Variants in DNAH9 observed in about 807,000 individuals in gnomAD.
DNAH9 encodes DNAH9 variant protein.
In DNAH9, 345 loss-of-function variants were observed where a neutral mutation model predicts 471.6. That is an observed-to-expected ratio of 0.73 (90% CI 0.67 to 0.80). DNAH9 has a LOEUF of 0.80. DNAH9 is among the 30% of genes least tolerant of loss of function. The pLI, the probability that DNAH9 is intolerant of heterozygous loss-of-function variation, is 0.00. For missense variants in DNAH9, 5,407 were observed against 5,609.2 expected (o/e 0.96, Z 1.15); for synonymous variants, 2,093 against 2,123.6 (o/e 0.99, Z 0.40).
chr17:11,730,331 G>A (rs554626670), intron 28 of DNAH9, among the ~76,000 whole-genome samples: 1 of 152,258 alleles, frequency 6.6e-6, no homozygotes, highest in African/African-American at 2.4e-5. Context: ...TACAAATCAA[G>A]GGCGTTTTTG....
In DNAH9 at chr17:11,704,311, G is replaced by C. The variant is rs1485615851; in HGVS notation, c.5260G>C (p.Val1754Leu). ...SAMKDYYKKQVAQLKTLITML... is the reference protein window; with the variant it reads ...SAMKDYYKKQLAQLKTLITML... The stretch of plus-strand genomic sequence containing the variant: ...CATGAAGGACTATTATAAGAAGCAA[G>C]TGGCCCAGCTCAAAACCCTTATCAC... The change falls in exon 25 of 69, where the codon GTG (valine) becomes CTG (leucine). Residue 1754 changes from valine (V) to leucine (L), a missense_variant. Physicochemically the swap from Val to Leu is conservative, Grantham distance 32. This residue lies in a region of DNAH9 where 4,636 missense variants were observed against 4,900.3 expected (regional missense o/e 0.95). Transcript: ENST00000262442. 4 of 1,614,202 alleles carry C rather than the reference G, an allele frequency of 2.5e-6. No individual in the cohort carries two copies. Among genetic ancestry groups the C allele is most frequent in the Non-Finnish European group, 3.4e-6 (4 of 1,180,022 alleles).
chr17:11,929,784 G>T, intron 62 of DNAH9, 82 bp from the exon 63 acceptor site: 1 of 1,185,322 alleles, frequency 8.4e-7, no homozygotes, highest in Non-Finnish European at 1.2e-6. Flanking sequence ...TCCCCCCTCT[G>T]GCTGCCTTCC....
At chr17:11,656,736 T>A (rs2073658130) in intron 14 of DNAH9, among the ~76,000 whole-genome samples, 1 of 152,198 alleles carries the variant, frequency 6.6e-6, no homozygotes, top group Non-Finnish European at 1.5e-5. Context: ...CACCTGTCCC[T>A]CTTTCCAGTC....
At chr17:11,784,596 A>T in intron 41 of DNAH9, 57 bp downstream of exon 41, 1 of 1,609,126 alleles carries the variant, frequency 6.2e-7, no homozygotes, top group Non-Finnish European at 8.5e-7. Flanking sequence ...AGATGCTCCG[A>T]TTCTTCATAA....
intron 57 of DNAH9, among the ~76,000 whole-genome samples, chr17:11,890,078 T>A (rs1384542174): frequency 6.6e-6 from 1 of 152,206 alleles, no homozygotes; most frequent in East Asian, 1.9e-4. Context: ...TTTTTACATG[T>A]TTTCCTGAAT....
At chr17:11,828,138 G>A (rs1206320527) in intron 48 of DNAH9, among the ~76,000 whole-genome samples, 2 of 152,108 alleles carry the variant, frequency 1.3e-5, no homozygotes, top group East Asian at 3.9e-4. Flanking sequence ...TTGCCCCTCT[G>A]TAGTCTATTC....
rs1199063228 is a variant in DNAH9, at chr17:11,677,047, T to G, written c.3354-2710T>G. Among the ~76,000 whole-genome samples, 4 of 152,222 alleles carry G rather than the reference T, an allele frequency of 2.6e-5. No individual in the cohort carries two copies. The East Asian group carries it at 7.7e-4, about 29-fold the overall frequency. The stretch of plus-strand genomic sequence containing the variant: ...CTGAAATTTGTTAAAGTTTGCCTTA[T>G]TCAATATAGTATATTCAGTTCTTAT... On this transcript the variant is annotated intron_variant, in intron 17 of 68. Coordinates refer to ENST00000262442, the MANE Select transcript of DNAH9 (RefSeq NM_001372.4).
intron 38 of DNAH9, 121 bp from the exon 39 acceptor site, chr17:11,780,888 G>A (rs553604391): frequency 8.1e-6 from 8 of 989,662 alleles, no homozygotes; most frequent in Admixed American, 2.8e-5. Context: ...GTTGTCTTTC[G>A]CGTTGCTGTT....
In DNAH9 at chr17:11,704,379, T is replaced by G; in HGVS notation, c.5328T>G (p.Ile1776Met). The change falls in exon 25 of 69, where the codon ATT (isoleucine) becomes ATG (methionine). Residue 1776 changes from isoleucine to methionine, a missense_variant. Physicochemically the swap from Ile to Met is conservative, Grantham distance 10. This residue lies in a region of DNAH9 where 4,636 missense variants were observed against 4,900.3 expected (regional missense o/e 0.95). Coordinates refer to ENST00000262442, the MANE Select transcript of DNAH9 (RefSeq NM_001372.4). ...TCTCCAAGGGAGACCGGCAGAAGAT[T>G]ATGACTATATGCACCATCGATGTGC... ...GQLSKGDRQK[I>M]MTICTIDVHA... 1.9e-6 allele frequency: 3 copies of G among 1,614,048 alleles called. No homozygotes were observed. Among genetic ancestry groups the G allele is most frequent in the Non-Finnish European group, 2.5e-6 (3 of 1,180,008 alleles).
chr17:11,777,505 C>G (rs1968483268), intron 38 of DNAH9, among the ~76,000 whole-genome samples: 1 of 152,194 alleles, frequency 6.6e-6, no homozygotes, highest in South Asian at 2.1e-4. Flanking sequence ...AAAGTAGGAA[C>G]AAAGAGCTTG....
chr17:11,747,758 G>A lies in DNAH9; in HGVS notation c.6602G>A (p.Trp2201Ter), dbSNP rs1225324996. The A allele has an allele frequency of 1.9e-6, 3 of 1,613,406 alleles. No individual in the cohort carries two copies. The South Asian group carries it at 3.3e-5, about 18-fold the overall frequency. Residue 2201 changes from tryptophan (W) to a stop codon, truncating the protein, a stop_gained, in exon 32 of 69, where the codon TGG (tryptophan) becomes TAG (stop). Coordinates refer to ENST00000262442, the MANE Select transcript of DNAH9 (RefSeq NM_001372.4). LOFTEE classifies it high-confidence loss of function. ...ATCATCAATCCAGCCACAGGAGAAT[G>A]GAAGGATGGTAAGAGTGGGATTCTC... ...FGIINPATGE[W>*]KDGLFSSIMR... is the part of the protein sequence containing the mutation.
chr17:11,961,819 G>A, intron 67 of DNAH9, 48 bp from the exon 68 acceptor site: 1 of 1,540,584 alleles, frequency 6.5e-7, no homozygotes, highest in Non-Finnish European at 8.7e-7. Context: ...GTGTTTTCAG[G>A]GACTTCCCAC....
intron 63 of DNAH9, among the ~76,000 whole-genome samples, chr17:11,930,765 CAAA>C (rs11371438): frequency 0.011 from 1,431 of 125,158 alleles, 38 homozygotes; most frequent in African/African-American, 0.039. Flanking sequence ...ACTCCATCTC[CAAA>C]AAAAAAAAAA....
chr17:11,763,567 G>T lies in DNAH9; in HGVS notation c.7123G>T (p.Val2375Leu). ...CPKEIYEHYF[V>L]FAAIWAFGGA... ...TAAGGAAATTTATGAGCATTATTTT[G>T]TGTTTGCTGCCATCTGGGCTTTCGG... The change falls in exon 36 of 69, where the codon GTG (valine) becomes TTG (leucine). Residue 2375 changes from valine (V) to leucine (L), a missense_variant. Transcript: ENST00000262442. 21 of 1,614,166 alleles carry T rather than the reference G, an allele frequency of 1.3e-5. No homozygotes were observed. Among genetic ancestry groups the T allele is most frequent in the Non-Finnish European group, 1.7e-5 (20 of 1,180,032 alleles).
At chr17:11,859,640 T>G (rs9909005) in intron 50 of DNAH9, among the ~76,000 whole-genome samples, 142,090 of 152,190 alleles carry the variant, frequency 0.93, 66,801 homozygotes, top group African/African-American at 0.97. Flanking sequence ...GCAGCATGGT[T>G]CTGGCTTCTG....
chr17:11,663,673 G>A (rs2073815368), intron 14 of DNAH9, among the ~76,000 whole-genome samples: 1 of 152,204 alleles, frequency 6.6e-6, no homozygotes, highest in Non-Finnish European at 1.5e-5. Flanking sequence ...CAATAGATTT[G>A]AGGCAGTAAA....
intron 67 of DNAH9, among the ~76,000 whole-genome samples, chr17:11,950,961 C>T (rs999476220): frequency 2.0e-5 from 3 of 152,158 alleles, no homozygotes; most frequent in African/African-American, 7.2e-5. Flanking sequence ...CACAACCTGA[C>T]ACCTTAGGAG....
rs775422886 is a variant in DNAH9, at chr17:11,942,344, C to G, written c.12702C>G (p.Asp4234Glu). ...LLEEILERVT[D>E]EFNIPELMAK... Reference sequence around the variant, plus strand: ...AAGAAATATTGGAGCGGGTGACAGACGAGTTTAACATCCCAGAACTGATGG... The same window carrying G: ...AAGAAATATTGGAGCGGGTGACAGAGGAGTTTAACATCCCAGAACTGATGG... Residue 4234 changes from aspartate to glutamate, a missense_variant, in exon 67 of 69, where the codon GAC (aspartate) becomes GAG (glutamate). Asp to Glu is a conservative substitution (Grantham distance 45). This residue lies in a region of DNAH9 where 4,636 missense variants were observed against 4,900.3 expected (regional missense o/e 0.95). Transcript: ENST00000262442. The G allele has an allele frequency of 1.2e-6, 2 of 1,614,108 alleles. No homozygotes were observed. Among genetic ancestry groups the G allele is most frequent in the South Asian group, 1.1e-5 (1 of 91,080 alleles).
chr17:11,941,847 T>A (rs893256596), intron 66 of DNAH9, among the ~76,000 whole-genome samples: 5 of 152,170 alleles, frequency 3.3e-5, no homozygotes, highest in African/African-American at 7.2e-5. Flanking sequence ...TATAGATAGA[T>A]ATTGTATATA....
Sources: allele counts gnomAD v4.1 joint callset (sites outside exome capture counted in the v4.1 genomes callset), GRCh38; gene constraint gnomAD v4.1.1; regional missense constraint gnomAD v4.1.1; transcripts MANE v1.5; gene names NCBI Gene and HGNC (gene_info 2026-07-23, HGNC 2026-07-21).